Variants in CSF1 observed in about 807,000 individuals in gnomAD.
CSF1 encodes colony stimulating factor 1, also known as macrophage colony-stimulating factor 1.
Under a neutral mutation model 48.9 loss-of-function variants are expected in CSF1, and 9 were observed. The observed-to-expected ratio is 0.18, with a 90% CI of 0.11 to 0.32. CSF1 has a LOEUF of 0.32. Ranked by LOEUF, CSF1 falls within the 10% of genes least tolerant of loss-of-function variation. The probability of loss-of-function intolerance (pLI) is 1.00; values close to 1 mark genes in which losing one functional copy is unlikely to be tolerated. For missense variants in CSF1, 672 were observed against 697.9 expected (o/e 0.96, Z 0.42); for synonymous variants, 305 against 284.1 (o/e 1.07, Z -0.74).
At chr1:109,913,155 C>A in intron 1 of CSF1, among the ~76,000 whole-genome samples, 1 of 152,340 alleles carries the variant, frequency 6.6e-6, no homozygotes, top group East Asian at 1.9e-4. Flanking sequence ...TTCATAGCCT[C>A]GTTGTGTTTT....
chr1:109,919,999 C>A lies in CSF1; in HGVS notation c.397-1848C>A, dbSNP rs530201955. 8.6e-5 allele frequency among the ~76,000 whole-genome samples: 13 copies of A among 151,886 alleles called. No individual in the cohort carries two copies. The South Asian group carries it at 2.1e-3, about 24-fold the overall frequency. On this transcript the variant is annotated intron_variant, in intron 4 of 8. Transcript: ENST00000329608. ...ATAAAAGACTGAACCCAGGAATCTG[C>A]ATCTTAAGCAGCTGTCGCACTGATG...
At chr1:109,921,714 G>C (rs1302758150) in intron 4 of CSF1, 133 bp from the exon 5 acceptor site, 2 of 1,151,056 alleles carry the variant, frequency 1.7e-6, no homozygotes, top group Non-Finnish European at 1.2e-6. Context: ...CTGCAAACCA[G>C]GGGAAAGGGG....
chr1:109,925,149 C>T lies in CSF1; in HGVS notation c.1625C>T (p.Pro542Leu), dbSNP rs775707236. 54 of 1,613,692 alleles carry T rather than the reference C, an allele frequency of 3.3e-5. No homozygotes were observed. The highest frequency in any genetic ancestry group is 1.7e-4 in the Middle Eastern group (1 of 5,980). ...CCAGCCCTGTGCTCTGCCTGCAGCC[C>T]CCTGACTCAGGATGACAGACAGGTG... Reference protein sequence around the residue: ...DSPLEQPEGSPLTQDDRQVEL... With the variant: ...DSPLEQPEGSLLTQDDRQVEL... Residue 542 changes from proline (P) to leucine (L), a missense_variant and splice_region_variant, in exon 8 of 9, where the codon CCC (proline) becomes CTC (leucine). This residue lies in a region of CSF1 where 591 missense variants were observed against 593.6 expected (regional missense o/e 1.00). Transcript: ENST00000329608.
intron 8 of CSF1, chr1:109,926,689 A>T (rs894379438): frequency 6.7e-6 from 1 of 148,774 alleles, no homozygotes; most frequent in Non-Finnish European, 1.5e-5. Flanking sequence ...TGCTCTTTTC[A>T]GTCATGCTCC....
At chr1:109,921,693 G>A (rs1357681391) in intron 4 of CSF1, among the ~76,000 whole-genome samples, 154 bp from the exon 5 acceptor site, 4 of 152,134 alleles carry the variant, frequency 2.6e-5, no homozygotes, top group African/African-American at 7.2e-5. Context: ...ATAACCTCAG[G>A]ACTCATTCTG....
intron 4 of CSF1, among the ~76,000 whole-genome samples, chr1:109,921,567 G>C (rs1647543337): frequency 6.6e-6 from 1 of 152,172 alleles, no homozygotes; most frequent in South Asian, 2.1e-4. Flanking sequence ...TGGACTCAGT[G>C]TCCAACTCAG....
At chr1:109,924,258 A>G (rs2101655507) in intron 6 of CSF1, 68 bp downstream of exon 6, 1 of 1,398,004 alleles carries the variant, frequency 7.2e-7, no homozygotes, top group East Asian at 2.4e-5. Flanking sequence ...GCGGGGGTGC[A>G]GGTGGGGGGA....
At chr1:109,914,471 G>A in intron 2 of CSF1, 90 bp downstream of exon 2, 2 of 1,461,724 alleles carry the variant, frequency 1.4e-6, no homozygotes, top group East Asian at 2.5e-5. Context: ...AGCAGTTGCA[G>A]GCAGGAAAAT....
chr1:109,921,830 C>T lies in CSF1; in HGVS notation c.397-17C>T, dbSNP rs764058053. 1 of 1,545,704 alleles carries T rather than the reference C, an allele frequency of 6.5e-7. No individual in the cohort carries two copies. Among genetic ancestry groups the T allele is most frequent in the Non-Finnish European group, 8.8e-7 (1 of 1,138,836 alleles). ...CAATGGTCATGCTCACAAAAGGGGG[C>T]CCTGATCTCCTTCCAGGCCTGCGTC... On this transcript the variant is annotated splice_polypyrimidine_tract_variant and intron_variant, in intron 4 of 8. Coordinates refer to ENST00000329608, the MANE Select transcript of CSF1 (RefSeq NM_000757.6).
Position 109,923,686 on chromosome 1 carries a change from G to A in CSF1, c.1065G>A (p.Lys355=). Residue 355 remains lysine (K), a synonymous_variant, in exon 6 of 9, where the codon AAG becomes AAA. Coordinates refer to ENST00000329608, the MANE Select transcript of CSF1 (RefSeq NM_000757.6). ...SASSPLPASA[K]GQQPADVTGT... Reference sequence around the variant, plus strand: ...CTTCTCCACTCCCTGCATCAGCAAAGGGCCAACAGCCGGCAGATGTAACTG... The same window carrying A: ...CTTCTCCACTCCCTGCATCAGCAAAAGGCCAACAGCCGGCAGATGTAACTG... The A allele has an allele frequency of 2.5e-6, 4 of 1,613,690 alleles. No homozygotes were observed. The highest frequency in any genetic ancestry group is 2.2e-5 in the South Asian group (2 of 91,038).
intron 1 of CSF1, 35 bp from the exon 2 acceptor site, chr1:109,914,224 A>G: frequency 6.4e-7 from 1 of 1,567,182 alleles, no homozygotes; most frequent in Non-Finnish European, 8.7e-7. Context: ...GGGGAGAGTG[A>G]GACCTGGGGA....
chr1:109,917,520 G>T (rs1236150383), intron 4 of CSF1, 57 bp downstream of exon 4: 3 of 1,545,554 alleles, frequency 1.9e-6, no homozygotes, highest in Non-Finnish European at 2.7e-6. Context: ...CTGTGGAGGC[G>T]CCGCTCTATC....
Position 109,915,625 on chromosome 1 carries a change from C to T in CSF1, c.163-9C>T. 3.7e-6 allele frequency: 6 copies of T among 1,613,114 alleles called. No individual in the cohort carries two copies. Among genetic ancestry groups the T allele is most frequent in the Non-Finnish European group, 5.1e-6 (6 of 1,179,078 alleles). ...TACCCTGCAATCGTTGGCCTGCTCT[C>T]TCTTACAGATTGACAGTCAGATGGA... On this transcript the variant is annotated splice_polypyrimidine_tract_variant and intron_variant, in intron 2 of 8. Coordinates refer to ENST00000329608, the MANE Select transcript of CSF1 (RefSeq NM_000757.6).
chr1:109,912,637 C>T, intron 1 of CSF1, among the ~76,000 whole-genome samples: 1 of 152,190 alleles, frequency 6.6e-6, no homozygotes, highest in East Asian at 1.9e-4. Flanking sequence ...TGGGGTTAAG[C>T]ATTGCTCCCA....
chr1:109,924,250 G>T, intron 6 of CSF1, 60 bp downstream of exon 6: 5 of 1,468,082 alleles, frequency 3.4e-6, no homozygotes, highest in South Asian at 1.3e-5. Context: ...AGAGCCTGGC[G>T]GGGGTGCAGG....
At chr1:109,915,141 G>A (rs1005936000) in intron 2 of CSF1, among the ~76,000 whole-genome samples, 2 of 152,214 alleles carry the variant, frequency 1.3e-5, no homozygotes, top group African/African-American at 2.4e-5. Flanking sequence ...TCTCCTGTAT[G>A]TAGTTGCTGT....
At chr1:109,924,279 G>A (rs1158532141) in intron 6 of CSF1, 89 bp downstream of exon 6, 6 of 1,194,200 alleles carry the variant, frequency 5.0e-6, no homozygotes, top group Non-Finnish European at 6.9e-6. Context: ...CAGCTTGGGT[G>A]CGGCCTGAGT....
Position 109,930,707 on chromosome 1 carries a change from A to G in CSF1, c.*1869A>G, listed in dbSNP as rs1648033727. 6.6e-6 allele frequency: 1 copy of G among 152,212 alleles called. No homozygotes were observed. Among genetic ancestry groups the G allele is most frequent in the African/African-American group, 2.4e-5 (1 of 41,458 alleles). 9.4% of individuals were successfully genotyped at this position (152,212 alleles called of 1,614,324 possible). A position where few individuals can be genotyped will look rare whatever the true frequency, so the allele number is the denominator to read the frequency against. Reference sequence around the variant, plus strand: ...CCCTACCTTAAACATATAATATTTTAAAGGTCAAAAAAGCAATCCAACCCA... The same window carrying G: ...CCCTACCTTAAACATATAATATTTTGAAGGTCAAAAAAGCAATCCAACCCA... On this transcript the variant is annotated 3_prime_UTR_variant, in exon 9 of 9. Transcript: ENST00000329608.
rs527364804 is a variant in CSF1 at position 109,913,600 on chromosome 1, C to T, written c.40-659C>T. Among the ~76,000 whole-genome samples the T allele has an allele frequency of 1.3e-3, 200 of 152,360 alleles. 1 individual carries two copies. Among genetic ancestry groups the T allele is most frequent in the African/African-American group, 4.6e-3 (190 of 41,586 alleles). On this transcript the variant is annotated intron_variant, in intron 1 of 8. Transcript: ENST00000329608. ...CAAAGCCTGATGGTGCTCAAATAGG[C>T]AGGTGCCAGGCAAGGGATGGCCCAT...
Sources: allele counts gnomAD v4.1 joint callset (sites outside exome capture counted in the v4.1 genomes callset), GRCh38; gene constraint gnomAD v4.1.1; regional missense constraint gnomAD v4.1.1; transcripts MANE v1.5; gene names NCBI Gene and HGNC (gene_info 2026-07-23, HGNC 2026-07-21).